The following PCDH15 variants were observed in gnomAD, a reference collection of about 807,000 sequenced individuals.
PCDH15 encodes the protein protocadherin related 15, also known as protocadherin-15.
In PCDH15, 129 loss-of-function variants were observed where a neutral mutation model predicts 178.5. The ratio of observed to expected loss-of-function variants is 0.72; its 90% CI spans 0.63 to 0.84. PCDH15 has a LOEUF of 0.84. PCDH15 is among the 40% of genes least tolerant of loss of function. The probability of loss-of-function intolerance (pLI) is 0.00; values close to 1 mark genes in which losing one functional copy is unlikely to be tolerated. For synonymous variants in PCDH15, 800 were observed against 732.0 expected, an observed-to-expected ratio of 1.09 and a Z score of -1.50; for missense variants, 2,230 against 2,099.9, an observed-to-expected ratio of 1.06 and a Z score of -1.21.
In PCDH15 at chr10:54,049,003, A is replaced by T. The variant is rs118078405; in HGVS notation, c.2220+17754T>A. On this transcript the variant is annotated intron_variant, in intron 18 of 37. Coordinates refer to ENST00000644397, the MANE Select transcript of PCDH15 (RefSeq NM_001384140.1). ...ATATTAACTCTTCCAATCCATGAGC[A>T]TAGAATGCTTTTCCATTTGTTTGTG... 4.2e-3 allele frequency among the ~76,000 whole-genome samples: 646 copies of T among 152,150 alleles called. 5 individuals are homozygous for T. Among genetic ancestry groups the T allele is most frequent in the South Asian group, 0.017 (80 of 4,824 alleles).
intron 26 of PCDH15, among the ~76,000 whole-genome samples, chr10:53,896,059 C>T (rs2081928254): frequency 6.6e-6 from 1 of 152,088 alleles, no homozygotes; most frequent in Non-Finnish European, 1.5e-5. Flanking sequence ...GCATCTACTG[C>T]ATAAATCAAT....
rs1300240051 is a variant in PCDH15, at chr10:53,983,991, G to A, written c.2868+11658C>T. ...CTTCAGGGCCTGATTCTTTTGTTACGTGACTTTATCTTGGCATAACCTTCA... is the reference window on the plus strand; with the variant it reads ...CTTCAGGGCCTGATTCTTTTGTTACATGACTTTATCTTGGCATAACCTTCA... On this transcript the variant is annotated intron_variant, in intron 21 of 37. Transcript: ENST00000644397. Among the ~76,000 whole-genome samples, 5 of 151,902 alleles carry A rather than the reference G, an allele frequency of 3.3e-5. No individual in the cohort carries two copies. The South Asian group carries it at 6.3e-4, about 19-fold the overall frequency.
intron 26 of PCDH15, among the ~76,000 whole-genome samples, chr10:53,889,413 T>G (rs897537246): frequency 1.1e-4 from 17 of 151,804 alleles, no homozygotes; most frequent in African/African-American, 4.1e-4. Flanking sequence ...GAGACCAAAA[T>G]AGTCGCCACA....
chr10:54,038,462 G>T (rs1024000539), intron 18 of PCDH15, among the ~76,000 whole-genome samples: 1 of 151,926 alleles, frequency 6.6e-6, no homozygotes, highest in African/African-American at 2.4e-5. Flanking sequence ...AAACTACTGT[G>T]CAGGGTCAAC....
chr10:55,574,690 G>C (rs912560562), intron 2 of PCDH15, among the ~76,000 whole-genome samples: 2 of 151,912 alleles, frequency 1.3e-5, no homozygotes, highest in African/African-American at 4.8e-5. Flanking sequence ...AGAAAAGAAA[G>C]AAAAATATGG....
At chr10:55,392,288 T>A (rs2132014911) in intron 2 of PCDH15, among the ~76,000 whole-genome samples, 1 of 152,276 alleles carries the variant, frequency 6.6e-6, no homozygotes, top group African/African-American at 2.4e-5. Flanking sequence ...TTGCTAAAAG[T>A]GAGGTTGGCA....
At chr10:54,170,388 C>A (rs369595551) in intron 13 of PCDH15, among the ~76,000 whole-genome samples, 1 of 151,984 alleles carries the variant, frequency 6.6e-6, no homozygotes, top group Non-Finnish European at 1.5e-5. Flanking sequence ...TTAGTCTAGC[C>A]CTCATGTCTG....
intron 1 of PCDH15, among the ~76,000 whole-genome samples, chr10:55,260,008 GAAAGATGGTTAATGGTATAAGTTTGT>G (rs1842109211): frequency 6.7e-6 from 1 of 149,190 alleles, no homozygotes; most frequent in Non-Finnish European, 1.5e-5. Flanking sequence ...TCAGATTTTT[GAAAGATGGTTAATGGTATAAGTTTGT>G]TTTAGGCTAA....
chr10:54,536,315 A>T (rs1304093389), intron 2 of PCDH15, among the ~76,000 whole-genome samples: 1 of 152,110 alleles, frequency 6.6e-6, no homozygotes, highest in Non-Finnish European at 1.5e-5. Context: ...TGTGAGGTAA[A>T]TTTTTATTCT....
chr10:53,804,430 A>C lies in PCDH15; in HGVS notation c.*2149T>G, dbSNP rs1841035343. The C allele has an allele frequency of 6.6e-6, 1 of 151,982 alleles. No individual in the cohort carries two copies. Among genetic ancestry groups the C allele is most frequent in the African/African-American group, 2.4e-5 (1 of 41,438 alleles). The allele number at this position is 151,982 out of a possible 1,614,324, so 9.4% of individuals were successfully genotyped here. ...AACATTTGGTTGAATCCGTGTACCT[A>C]ATTCCCATCTTAAGCTTCATGATTT... On this transcript the variant is annotated 3_prime_UTR_variant, in exon 38 of 38. Coordinates refer to ENST00000644397, the MANE Select transcript of PCDH15 (RefSeq NM_001384140.1).
intron 3 of PCDH15, among the ~76,000 whole-genome samples, chr10:54,511,359 C>T (rs1011573935): frequency 1.3e-5 from 2 of 151,916 alleles, no homozygotes; most frequent in Admixed American, 1.3e-4. Context: ...ATCAGTTTGC[C>T]CTCACTCTCC....
intron 25 of PCDH15, among the ~76,000 whole-genome samples, chr10:53,907,993 A>G (rs767067606): frequency 8.5e-5 from 13 of 152,288 alleles, no homozygotes; most frequent in Middle Eastern, 6.8e-3. Context: ...ATTATCCTCA[A>G]GATGAATCCA....
intron 1 of PCDH15, among the ~76,000 whole-genome samples, chr10:55,289,261 A>G (rs971870209): frequency 6.6e-6 from 1 of 152,028 alleles, no homozygotes; most frequent in South Asian, 2.1e-4. Context: ...CTAAATTTAC[A>G]TACTCTCATA....
intron 1 of PCDH15, among the ~76,000 whole-genome samples, chr10:55,263,980 C>A (rs35801158): frequency 6.6e-6 from 1 of 151,734 alleles, no homozygotes; most frequent in Non-Finnish European, 1.5e-5. Context: ...GTGATTCGCC[C>A]GCCTCGGCCT....
In PCDH15 at chr10:54,781,646, G is replaced by A. The variant is rs182568145; in HGVS notation, c.-29+19279C>T. Reference sequence around the variant, plus strand: ...GTGAATGACTTAGCCTATGGAAAAAGGTTTTGAATAAAAATTATTATTTTC... The same window carrying A: ...GTGAATGACTTAGCCTATGGAAAAAAGTTTTGAATAAAAATTATTATTTTC... On this transcript the variant is annotated intron_variant, in intron 1 of 37. Coordinates refer to ENST00000644397, the MANE Select transcript of PCDH15 (RefSeq NM_001384140.1). Among the ~76,000 whole-genome samples, 940 of 151,230 alleles carry A rather than the reference G, an allele frequency of 6.2e-3. 6 individuals carry two copies. The highest frequency in any genetic ancestry group is 0.017 in the African/African-American group (714 of 41,412).
At chr10:55,178,095 G>C (rs1332227749) in intron 1 of PCDH15, among the ~76,000 whole-genome samples, 1 of 152,182 alleles carries the variant, frequency 6.6e-6, no homozygotes, top group East Asian at 1.9e-4. Context: ...TGGAAAGAGA[G>C]AGACTTCCTC....
chr10:54,681,089 A>T (rs1036093411), intron 1 of PCDH15, among the ~76,000 whole-genome samples: 2 of 152,154 alleles, frequency 1.3e-5, no homozygotes, highest in African/African-American at 4.8e-5. Flanking sequence ...AATAGGCCAG[A>T]TTAATAAGAG....
intron 1 of PCDH15, among the ~76,000 whole-genome samples, chr10:55,238,186 C>T (rs1011311547): frequency 1.5e-5 from 2 of 133,896 alleles, no homozygotes; most frequent in Non-Finnish European, 3.1e-5. Flanking sequence ...CTCCCTCTGT[C>T]GCCCAGGCTG....
intron 2 of PCDH15, among the ~76,000 whole-genome samples, chr10:54,624,307 A>C (rs2093475881): frequency 6.6e-6 from 1 of 152,236 alleles, no homozygotes; most frequent in Non-Finnish European, 1.5e-5. Context: ...GAAAATATTT[A>C]GAACCACTTG....
Sources: allele counts gnomAD v4.1 joint callset (sites outside exome capture counted in the v4.1 genomes callset), GRCh38; gene constraint gnomAD v4.1.1; transcripts MANE v1.5; gene names NCBI Gene and HGNC (gene_info 2026-07-23, HGNC 2026-07-21).